Variants in MSANTD5 observed in about 807,000 individuals in gnomAD.
MSANTD5 encodes uncharacterized protein MSANTD5.
At chr5:178,706,026 G>T in the MSANTD5 span, among the ~76,000 whole-genome samples, 2 of 152,080 alleles carry the variant, frequency 1.3e-5, no homozygotes, top group Non-Finnish European at 2.9e-5. Context: ...AATTCTTTTC[G>T]ACCTCACTGA....
At chr5:178,696,462 G>T (rs970203682) in intron 1 of MSANTD5, among the ~76,000 whole-genome samples, 1 of 152,176 alleles carries the variant, frequency 6.6e-6, no homozygotes, top group African/African-American at 2.4e-5. Context: ...CTGACCTCAA[G>T]TGATCCGCCT....
chr5:178,695,903 C>A (rs1462417772), intron 2 of MSANTD5, among the ~76,000 whole-genome samples, 194 bp downstream of exon 2: 1 of 152,158 alleles, frequency 6.6e-6, no homozygotes, highest in Non-Finnish European at 1.5e-5. Flanking sequence ...TGATGTGGGA[C>A]TCACATCCCA....
At chr5:178,704,149 C>T in the MSANTD5 span, among the ~76,000 whole-genome samples, 9 of 152,106 alleles carry the variant, frequency 5.9e-5, no homozygotes, top group African/African-American at 1.2e-4. Context: ...AAATAATTCA[C>T]ACAGCCACAG....
chr5:178,692,356 G>C (rs928885271), downstream of MSANTD5, among the ~76,000 whole-genome samples: 1 of 147,340 alleles, frequency 6.8e-6, no homozygotes, highest in African/African-American at 2.5e-5. Context: ...CTCTAGCCTG[G>C]ATGACAGAGC....
the MSANTD5 span, among the ~76,000 whole-genome samples, chr5:178,704,713 C>T: frequency 9.2e-5 from 14 of 152,274 alleles, no homozygotes; most frequent in East Asian, 1.7e-3. Flanking sequence ...CCCTGAGCTA[C>T]GGATGAGAAC....
intron 1 of MSANTD5, 80 bp downstream of exon 1, chr5:178,697,506 C>T (rs1381677287): frequency 6.6e-6 from 1 of 152,168 alleles, no homozygotes; most frequent in East Asian, 1.9e-4. Context: ...TCAATGGCTG[C>T]AAAAATTCTT....
At chr5:178,706,812 G>A in the MSANTD5 span, 2 of 152,032 alleles carry the variant, frequency 1.3e-5, no homozygotes, top group Admixed American at 6.6e-5. Flanking sequence ...CATGACCTTG[G>A]GAATCTGCTG....
the MSANTD5 span, among the ~76,000 whole-genome samples, chr5:178,705,703 TC>T: frequency 1.3e-5 from 2 of 152,014 alleles, no homozygotes; most frequent in East Asian, 3.9e-4. Flanking sequence ...ACGTCTGTAA[TC>T]CCCACCACTT....
chr5:178,695,115 G>A (rs931478671), intron 3 of MSANTD5, among the ~76,000 whole-genome samples, 168 bp from the exon 4 acceptor site: 4 of 152,132 alleles, frequency 2.6e-5, no homozygotes, highest in African/African-American at 9.7e-5. Flanking sequence ...GAAAAATAGA[G>A]GCAGGCAGCC....
exon 1 of MSANTD5, chr5:178,697,606 T>G (rs1765433236): frequency 6.6e-6 from 1 of 152,184 alleles, no homozygotes; most frequent in Non-Finnish European, 1.5e-5. Context: ...ACTCCTGAGT[T>G]TTCTCCCGGG....
downstream of MSANTD5, among the ~76,000 whole-genome samples, chr5:178,693,795 C>G (rs528628867): frequency 6.6e-5 from 10 of 151,968 alleles, no homozygotes; most frequent in South Asian, 2.1e-3. Context: ...ACACAGAGTG[C>G]TGATTGGTGC....
At chr5:178,700,572 A>G (rs540716724), upstream of MSANTD5, among the ~76,000 whole-genome samples, 2 of 94,530 alleles carry the variant, frequency 2.1e-5, no homozygotes, top group African/African-American at 6.8e-5. Flanking sequence ...GGGAGATTAG[A>G]TTAGATTAGA....
upstream of MSANTD5, among the ~76,000 whole-genome samples, chr5:178,702,532 C>T (rs913501020): frequency 4.0e-5 from 6 of 151,826 alleles, no homozygotes; most frequent in African/African-American, 9.7e-5. Flanking sequence ...ACCTCCTGAC[C>T]TCATGATCCG....
downstream of MSANTD5, among the ~76,000 whole-genome samples, chr5:178,691,973 AC>A (rs1765361340): frequency 7.5e-6 from 1 of 134,200 alleles, no homozygotes; most frequent in African/African-American, 2.7e-5. Context: ...TAGTGACAAA[AC>A]AAAATGCTGG....
At chr5:178,703,441 C>T in the MSANTD5 span, among the ~76,000 whole-genome samples, 74 of 152,258 alleles carry the variant, frequency 4.9e-4, 1 homozygote, top group Non-Finnish European at 7.4e-5. Context: ...GCAAAGCCTG[C>T]GACTTTCAAG....
downstream of MSANTD5, among the ~76,000 whole-genome samples, chr5:178,694,315 C>CA (rs56778816): frequency 0.022 from 1,339 of 60,760 alleles, 16 homozygotes; most frequent in Non-Finnish European, 0.028. Context: ...GACTCCATCT[C>CA]AAAAAAAAAA....
upstream of MSANTD5, among the ~76,000 whole-genome samples, chr5:178,700,243 G>C (rs1359505400): frequency 6.6e-6 from 1 of 152,034 alleles, no homozygotes; most frequent in African/African-American, 2.4e-5. Flanking sequence ...ACAACTCCCT[G>C]GTCAAGTCTA....
At chr5:178,702,759 G>A in the MSANTD5 span, among the ~76,000 whole-genome samples, 24 of 148,980 alleles carry the variant, frequency 1.6e-4, no homozygotes, top group African/African-American at 1.7e-4. Context: ...GACCACGCCC[G>A]GCTAATTTTT....
chr5:178,692,918 C>T (rs1405284987), downstream of MSANTD5, among the ~76,000 whole-genome samples: 3 of 151,860 alleles, frequency 2.0e-5, no homozygotes, highest in Admixed American at 6.5e-5. Flanking sequence ...TGGGGGGACC[C>T]GGACATAGGG....
Sources: gnomAD v4.1 joint callset for allele counts (sites outside exome capture counted in the v4.1 genomes callset) on GRCh38, gnomAD v4.1.1 for gene constraint, MANE v1.5 for transcripts, NCBI Gene and HGNC (gene_info 2026-07-23, HGNC 2026-07-21) for gene names.